The following LRP1B variants were observed in gnomAD, a reference collection of about 807,000 sequenced individuals.
The protein encoded by LRP1B is low-density lipoprotein receptor-related protein 1B.
A neutral mutation model predicts 556.6 loss-of-function variants in LRP1B; 217 were observed. The observed-to-expected ratio is 0.39, with a 90% confidence interval of 0.35 to 0.44. LRP1B has a LOEUF of 0.44. Among genes scored for constraint, LRP1B ranks in the 20% least tolerant of loss-of-function variants. The pLI is 1.00. For synonymous variants in LRP1B, 2,047 were observed against 1,865.8 expected, an observed-to-expected ratio of 1.10 and a Z score of -2.50; for missense variants, 5,053 against 5,620.8, an observed-to-expected ratio of 0.90 and a Z score of 3.23.
At chr2:141,048,885 A>T in intron 11 of LRP1B, 101 bp downstream of exon 11, 1 of 866,760 alleles carries the variant, frequency 1.2e-6, no homozygotes, top group Non-Finnish European at 1.9e-6. Context: ...AACCAGAAGA[A>T]CTTGAGTTCT....
intron 60 of LRP1B, among the ~76,000 whole-genome samples, chr2:140,461,541 A>G (rs1687319389): frequency 6.6e-6 from 1 of 152,148 alleles, no homozygotes; most frequent in African/African-American, 2.4e-5. Context: ...TTATTATTTA[A>G]AAATGACTAT....
At chr2:141,084,432 A>G (rs907136096) in intron 7 of LRP1B, among the ~76,000 whole-genome samples, 1 of 152,222 alleles carries the variant, frequency 6.6e-6, no homozygotes, top group African/African-American at 2.4e-5. Context: ...CTGACAATGT[A>G]TGTTAAATTG....
rs574928145 is a variant in LRP1B at position 140,644,232 on chromosome 2, T to C, written c.6800-42593A>G. 2.6e-5 allele frequency among the ~76,000 whole-genome samples: 4 copies of C among 152,228 alleles called. No homozygotes were observed. The South Asian group carries it at 6.2e-4, about 24-fold the overall frequency. On this transcript the variant is annotated intron_variant, in intron 41 of 90. Transcript: ENST00000389484. ...TTATATAATCAGCCAGTAGCTTACA[T>C]TGTTATAAATGTATATCTATTAATA...
chr2:141,329,458 C>T (rs982200015), intron 3 of LRP1B, among the ~76,000 whole-genome samples: 16 of 150,434 alleles, frequency 1.1e-4, no homozygotes, highest in African/African-American at 3.7e-4. Flanking sequence ...TCCTGGCCAA[C>T]ACAGTGAAAC....
intron 11 of LRP1B, among the ~76,000 whole-genome samples, chr2:141,033,836 T>C (rs1387323221): frequency 1.3e-5 from 2 of 152,158 alleles, no homozygotes; most frequent in African/African-American, 2.4e-5. Flanking sequence ...AATGTTTTCA[T>C]TTAACCCAAA....
chr2:141,980,440 T>C (rs753657101), intron 1 of LRP1B, among the ~76,000 whole-genome samples: 1 of 152,112 alleles, frequency 6.6e-6, no homozygotes, highest in Non-Finnish European at 1.5e-5. Flanking sequence ...AAAATATATA[T>C]TATCACAAAT....
chr2:141,409,333 C>A (rs1381650063), intron 3 of LRP1B, among the ~76,000 whole-genome samples: 2 of 152,012 alleles, frequency 1.3e-5, no homozygotes, highest in Admixed American at 6.6e-5. Context: ...AGCTGTGTAT[C>A]CATGGGCATT....
chr2:140,702,468 T>C lies in LRP1B; in HGVS notation c.6109A>G (p.Met2037Val), dbSNP rs1162123940. Residue 2037 changes from methionine to valine, a missense_variant, in exon 38 of 91, where the codon ATG (methionine) becomes GTG (valine). Physicochemically the swap from Met to Val is conservative, Grantham distance 21 (BLOSUM62 1). This residue lies in a region of LRP1B where 3,619 missense variants were observed against 3,931.9 expected (regional missense o/e 0.92). Coordinates refer to ENST00000389484, the MANE Select transcript of LRP1B (RefSeq NM_018557.3). The part of the protein sequence containing the change: ...DGSEKVVLVS[M>V]GIAWPNGISI... ...ATGCCATTCGGCCATGCTATTCCCA[T>C]GCTTACAAGGACAACCTTCTCTGAG... 6.2e-7 allele frequency: 1 copy of C among 1,613,498 alleles called. No homozygotes were observed. The highest frequency in any genetic ancestry group is 8.5e-7 in the Non-Finnish European group (1 of 1,179,734).
chr2:141,322,175 G>A (rs952088333), intron 3 of LRP1B, among the ~76,000 whole-genome samples: 1 of 152,030 alleles, frequency 6.6e-6, no homozygotes, highest in Admixed American at 6.6e-5. Flanking sequence ...CCACTTTGAG[G>A]CTGAGCCCTG....
chr2:141,101,766 CA>C (rs1191366089), intron 7 of LRP1B, among the ~76,000 whole-genome samples: 1 of 152,028 alleles, frequency 6.6e-6, no homozygotes, highest in Non-Finnish European at 1.5e-5. Context: ...TCTGTAAACC[CA>C]CGGCATTAAT....
intron 35 of LRP1B, among the ~76,000 whole-genome samples, chr2:140,728,909 A>G (rs1293457921): frequency 6.6e-6 from 1 of 152,106 alleles, no homozygotes; most frequent in East Asian, 1.9e-4. Flanking sequence ...AAATGAATCC[A>G]TCTGTGTTAA....
chr2:142,020,993 C>T (rs992928045), intron 1 of LRP1B, among the ~76,000 whole-genome samples: 7 of 152,128 alleles, frequency 4.6e-5, no homozygotes, highest in African/African-American at 1.4e-4. Flanking sequence ...TACATCTGGC[C>T]TCACAAAATA....
intron 3 of LRP1B, among the ~76,000 whole-genome samples, chr2:141,453,333 C>T (rs1681494844): frequency 6.6e-6 from 1 of 152,154 alleles, no homozygotes; most frequent in Admixed American, 6.5e-5. Flanking sequence ...ATTTTGTTAA[C>T]ACTATTCCAT....
chr2:141,970,314 G>A (rs1041176743), intron 1 of LRP1B, among the ~76,000 whole-genome samples: 2 of 150,792 alleles, frequency 1.3e-5, no homozygotes, highest in Non-Finnish European at 1.5e-5. Context: ...TTTTACCAAT[G>A]TATCCATTAT....
chr2:141,307,864 C>T (rs960321679), intron 3 of LRP1B, among the ~76,000 whole-genome samples: 2 of 152,120 alleles, frequency 1.3e-5, no homozygotes, highest in Admixed American at 6.6e-5. Flanking sequence ...CAGGTTCTTA[C>T]GGTCTTGGAC....
intron 6 of LRP1B, among the ~76,000 whole-genome samples, chr2:141,205,339 A>G (rs1682225966): frequency 6.6e-6 from 1 of 152,202 alleles, no homozygotes; most frequent in Non-Finnish European, 1.5e-5. Flanking sequence ...TTATCAGAAT[A>G]ATTACCTTGA....
At chr2:140,958,600 G>C (rs1695942815) in intron 18 of LRP1B, among the ~76,000 whole-genome samples, 1 of 151,560 alleles carries the variant, frequency 6.6e-6, no homozygotes, top group Admixed American at 6.6e-5. Context: ...AGAAAATCAG[G>C]ATAGCAAGCA....
At chr2:140,601,365 A>T in intron 42 of LRP1B, 85 bp downstream of exon 42, 1 of 1,131,844 alleles carries the variant, frequency 8.8e-7, no homozygotes, top group Non-Finnish European at 1.2e-6. Flanking sequence ...CTTTATTTTT[A>T]AAGTTAATTC....
At chr2:142,014,174 C>A (rs779962701) in intron 1 of LRP1B, among the ~76,000 whole-genome samples, 50 of 152,116 alleles carry the variant, frequency 3.3e-4, no homozygotes, top group Non-Finnish European at 8.8e-5. Context: ...TTCACCACTT[C>A]GCTTTCTTAA....
Sources: allele counts gnomAD v4.1 joint callset (sites outside exome capture counted in the v4.1 genomes callset), GRCh38; gene constraint gnomAD v4.1.1; regional missense constraint gnomAD v4.1.1; transcripts MANE v1.5; gene names NCBI Gene and HGNC (gene_info 2026-07-23, HGNC 2026-07-21).